The following MYO1H variants were observed in gnomAD, a reference collection of about 807,000 sequenced individuals.
MYO1H encodes myosin IH.
A neutral mutation model predicts 149.3 loss-of-function variants in MYO1H; 118 were observed. That is an observed-to-expected ratio of 0.79 (90% CI 0.68 to 0.92). The LOEUF (loss-of-function observed/expected upper bound fraction) is 0.92, where lower values mean the gene tolerates loss of function less well. Among genes scored for constraint, MYO1H ranks in the 40% least tolerant of loss-of-function variants. The pLI is 0.00. For missense variants in MYO1H, 1,212 were observed against 1,280.7 expected (o/e 0.95, Z 0.82); for synonymous variants, 447 against 465.2 (o/e 0.96, Z 0.50).
chr12:109,401,052 T>C, intron 5 of MYO1H, 41 bp from the exon 6 acceptor site: 1 of 1,587,088 alleles, frequency 6.3e-7, no homozygotes, highest in Middle Eastern at 1.7e-4. Flanking sequence ...AGAGAGTGGT[T>C]TGATTGTTGT....
chr12:109,371,300 C>G (rs1013923956), intron 1 of MYO1H, among the ~76,000 whole-genome samples: 1 of 149,628 alleles, frequency 6.7e-6, no homozygotes, highest in East Asian at 2.0e-4. Flanking sequence ...ACTGCAGCCT[C>G]TACCTCCCCG....
intron 14 of MYO1H, among the ~76,000 whole-genome samples, chr12:109,413,162 G>C (rs541468229): frequency 1.3e-5 from 2 of 151,964 alleles, no homozygotes; most frequent in South Asian, 4.2e-4. Context: ...TTTAGTAGAG[G>C]TGGGCTTTCA....
chr12:109,443,971 T>C (rs1651958051), intron 28 of MYO1H, among the ~76,000 whole-genome samples: 1 of 151,980 alleles, frequency 6.6e-6, no homozygotes, highest in African/African-American at 2.4e-5. Context: ...ACTGCACCCT[T>C]ATTCTGGCAT....
In MYO1H at chr12:109,415,543, C is replaced by T. The variant is rs749053878; in HGVS notation, c.1520C>T (p.Pro507Leu). 1.9e-6 allele frequency: 3 copies of T among 1,606,622 alleles called. No homozygotes were observed. The highest frequency in any genetic ancestry group is 2.5e-6 in the Non-Finnish European group (3 of 1,176,702). ...TCTCGTAGCCGTAAGCTGGCTGGTC[C>T]AAAGGGCCGAAAGAGGATTGGCTGG... Residue 507 changes from proline (P) to leucine (L), a missense_variant, in exon 15 of 32, where the codon CCA becomes CTA. Pro to Leu is a moderately conservative substitution (Grantham distance 98). Transcript: ENST00000310903.
upstream of MYO1H, among the ~76,000 whole-genome samples, chr12:109,343,446 G>A (rs2048092795): frequency 6.6e-6 from 1 of 152,142 alleles, no homozygotes; most frequent in African/African-American, 2.4e-5. Flanking sequence ...TTTTTAGGGA[G>A]GAATATTTTT....
the MYO1H span, among the ~76,000 whole-genome samples, chr12:109,329,697 T>C: frequency 9.2e-5 from 14 of 152,220 alleles, no homozygotes; most frequent in East Asian, 2.7e-3. Context: ...CTTATTCAAC[T>C]AATAATAATT....
chr12:109,318,393 C>A, the MYO1H span, among the ~76,000 whole-genome samples: 1 of 152,114 alleles, frequency 6.6e-6, no homozygotes, highest in Non-Finnish European at 1.5e-5. Context: ...CACTGTTTGG[C>A]TGGTCTTGGT....
At chr12:109,437,971 C>T (rs1203678831) in intron 22 of MYO1H, among the ~76,000 whole-genome samples, 1 of 151,486 alleles carries the variant, frequency 6.6e-6, no homozygotes, top group Non-Finnish European at 1.5e-5. Context: ...ACCTGTAATC[C>T]CAGCTACTGG....
At chr12:109,341,270 A>G in the MYO1H span, among the ~76,000 whole-genome samples, 1 of 151,616 alleles carries the variant, frequency 6.6e-6, no homozygotes, top group Non-Finnish European at 1.5e-5. Context: ...CATTCCAGAA[A>G]TGGTAATATT....
At chr12:109,346,108 A>G (rs1166983269), upstream of MYO1H, among the ~76,000 whole-genome samples, 1 of 152,198 alleles carries the variant, frequency 6.6e-6, no homozygotes, top group Non-Finnish European at 1.5e-5. Flanking sequence ...CTTGGATCAA[A>G]AGTATTCAGG....
intron 3 of MYO1H, among the ~76,000 whole-genome samples, chr12:109,394,168 CT>C (rs897386515): frequency 3.3e-5 from 5 of 152,164 alleles, no homozygotes; most frequent in African/African-American, 9.7e-5. Flanking sequence ...TTATGTAATA[CT>C]ATAAGCTGAC....
chr12:109,341,642 T>C, the MYO1H span, among the ~76,000 whole-genome samples: 1 of 152,138 alleles, frequency 6.6e-6, no homozygotes, highest in Non-Finnish European at 1.5e-5. Context: ...GCAGGTGGGC[T>C]AGCCAGAAGC....
chr12:109,381,826 A>T (rs180752861), intron 1 of MYO1H, among the ~76,000 whole-genome samples: 8,683 of 130,342 alleles, frequency 0.067, 800 homozygotes, highest in African/African-American at 0.22. Context: ...ACTCTGTCTT[A>T]AAAAAAAAGT....
chr12:109,379,492 C>G (rs1485353059), intron 1 of MYO1H, among the ~76,000 whole-genome samples: 1 of 152,094 alleles, frequency 6.6e-6, no homozygotes, highest in Non-Finnish European at 1.5e-5. Context: ...GTTATGATCC[C>G]TCACTATGGG....
At chr12:109,352,107 T>C (rs532260864) in intron 1 of MYO1H, among the ~76,000 whole-genome samples, 3 of 152,342 alleles carry the variant, frequency 2.0e-5, no homozygotes, top group African/African-American at 7.2e-5. Flanking sequence ...TTTTTCTCTT[T>C]TGGGGAATGG....
intron 1 of MYO1H, among the ~76,000 whole-genome samples, chr12:109,381,124 A>C (rs1446698310): frequency 6.6e-6 from 1 of 152,168 alleles, no homozygotes; most frequent in Non-Finnish European, 1.5e-5. Flanking sequence ...GCTACCATCT[A>C]CCCACTCAAA....
chr12:109,382,039 A>G (rs1592784681), intron 1 of MYO1H, among the ~76,000 whole-genome samples: 1 of 152,348 alleles, frequency 6.6e-6, no homozygotes, highest in East Asian at 1.9e-4. Context: ...TTCTCTTTAT[A>G]GAACAGTCTC....
At chr12:109,338,042 G>A in the MYO1H span, among the ~76,000 whole-genome samples, 3 of 152,034 alleles carry the variant, frequency 2.0e-5, no homozygotes, top group East Asian at 3.9e-4. Flanking sequence ...AAGGGGAAAT[G>A]TCTCCCAAAT....
chr12:109,396,540 A>C, exon 4 of MYO1H: 1 of 1,613,882 alleles, frequency 6.2e-7, no homozygotes, highest in Non-Finnish European at 8.5e-7. Flanking sequence ...AGTCACTACA[A>C]ATAGCCCGTG....
Sources: gnomAD v4.1 joint callset for allele counts (sites outside exome capture counted in the v4.1 genomes callset) on GRCh38, gnomAD v4.1.1 for gene constraint, MANE v1.5 for transcripts, NCBI Gene and HGNC (gene_info 2026-07-23, HGNC 2026-07-21) for gene names.